BUD13: variants seen among roughly 807,000 people sequenced by gnomAD.
The protein encoded by BUD13 is BUD13 homolog.
Under a neutral mutation model 62.5 loss-of-function variants are expected in BUD13, and 47 were observed. The observed-to-expected ratio is 0.75, with a 90% CI of 0.60 to 0.96. BUD13 has a LOEUF of 0.96. Among genes scored for constraint, BUD13 ranks in the 40% least tolerant of loss-of-function variants. BUD13 has a pLI of 0.00. For missense variants in BUD13, 821 were observed against 790.9 expected (o/e 1.04, Z -0.46); for synonymous variants, 293 against 280.1 (o/e 1.05, Z -0.46).
At chr11:116,771,300 CTA>C (rs2134187147) in intron 1 of BUD13, among the ~76,000 whole-genome samples, 1 of 152,336 alleles carries the variant, frequency 6.6e-6, no homozygotes, top group African/African-American at 2.4e-5. Context: ...TCCCATTAAT[CTA>C]TAAGCTCCAC....
intron 6 of BUD13, 62 bp downstream of exon 6, chr11:116,759,012 C>G: frequency 8.7e-7 from 1 of 1,151,850 alleles, no homozygotes; most frequent in South Asian, 1.4e-5. Context: ...GTACAATAAG[C>G]TAAATTAAAA....
intron 6 of BUD13, 121 bp from the exon 7 acceptor site, chr11:116,758,528 G>T: frequency 1.0e-6 from 1 of 989,552 alleles, no homozygotes; most frequent in Non-Finnish European, 1.4e-6. Context: ...GACCAAAGTA[G>T]TTCCTACCAA....
intron 9 of BUD13, among the ~76,000 whole-genome samples, chr11:116,752,236 G>A (rs548608625): frequency 8.5e-5 from 13 of 152,208 alleles, no homozygotes; most frequent in Admixed American, 2.0e-4. Flanking sequence ...ATGAGCCACC[G>A]CACCCGGCCC....
At chr11:116,758,464 G>C (rs1443785768) in intron 6 of BUD13, 57 bp from the exon 7 acceptor site, 73 of 1,586,786 alleles carry the variant, frequency 4.6e-5, no homozygotes, top group East Asian at 2.5e-4. Context: ...AACATTCTAA[G>C]AGATCAAATC....
At position 116,757,751 on chromosome 11, in the gene BUD13, T is replaced by G; in HGVS notation, c.1684+15A>C. On this transcript the variant is annotated intron_variant, in intron 8 of 9. Transcript: ENST00000260210. ...TCACAAGTCACCTCCAGCTGATGAT[T>G]CCCAGAAGTCCCACCTTTTTTATTC... 6.2e-7 allele frequency: 1 copy of G among 1,602,108 alleles called. No individual in the cohort carries two copies. Among genetic ancestry groups the G allele is most frequent in the Non-Finnish European group, 8.5e-7 (1 of 1,175,876 alleles).
intron 9 of BUD13, among the ~76,000 whole-genome samples, chr11:116,749,393 G>T (rs1178314889): frequency 1.3e-5 from 2 of 152,212 alleles, no homozygotes; most frequent in Non-Finnish European, 2.9e-5. Flanking sequence ...AACAGAATGG[G>T]TATCTTAATC....
chr11:116,749,686 C>T (rs1940200085), intron 9 of BUD13, among the ~76,000 whole-genome samples: 2 of 152,256 alleles, frequency 1.3e-5, no homozygotes, highest in South Asian at 2.1e-4. Flanking sequence ...TAATGAGCTG[C>T]GTAGGCCATG....
chr11:116,772,947 C>A lies in BUD13; in HGVS notation c.18G>T (p.Pro6=). 1 of 1,568,078 alleles carries A rather than the reference C, an allele frequency of 6.4e-7. No homozygotes were observed. MAAAP[P]LSKAEYLKRY... ...GCTTCAGATACTCGGCCTTGGAAAG[C>A]GGCGGAGCTGCCGCCATGGCAGCGG... The change falls in exon 1 of 10, where the codon CCG becomes CCT. Residue 6 remains proline, a synonymous_variant. Coordinates refer to ENST00000260210, the MANE Select transcript of BUD13 (RefSeq NM_032725.4).
chr11:116,755,998 A>G (rs1035905963), intron 9 of BUD13, among the ~76,000 whole-genome samples: 1 of 152,136 alleles, frequency 6.6e-6, no homozygotes, highest in African/African-American at 2.4e-5. Context: ...ATATGAGCCC[A>G]AGAATTCAAG....
rs35269431 is a variant in BUD13, at chr11:116,757,461, A to AT, written c.1685-235dup. ...CAGGCGTGCACCACCATGACCGGCT[A>AT]TTTTTTTTTTTTTTTTGTATTTTTA... On this transcript the variant is annotated intron_variant, in intron 8 of 9. Transcript: ENST00000260210. Among the ~76,000 whole-genome samples, 807 of 138,876 alleles carry AT rather than the reference A, an allele frequency of 5.8e-3. 6 individuals are homozygous for AT. The highest frequency in any genetic ancestry group is 0.021 in the East Asian group (97 of 4,728). 91.1% of individuals were successfully genotyped at this position (138,876 alleles called of 152,430 possible).
chr11:116,754,706 A>G (rs1038923827), intron 9 of BUD13, among the ~76,000 whole-genome samples: 2 of 152,294 alleles, frequency 1.3e-5, no homozygotes, highest in Middle Eastern at 3.4e-3. Context: ...TGCTCTCACT[A>G]CTTCTATTCA....
At chr11:116,765,968 T>C (rs929293368) in intron 2 of BUD13, among the ~76,000 whole-genome samples, 1 of 152,234 alleles carries the variant, frequency 6.6e-6, no homozygotes, top group Non-Finnish European at 1.5e-5. Context: ...ACATTTCATA[T>C]CTTCTAAACT....
Position 116,763,164 on chromosome 11 carries a change from T to C in BUD13, c.425A>G (p.Lys142Arg), listed in dbSNP as rs1031309430. Residue 142 changes from lysine (K) to arginine (R), a missense_variant, in exon 4 of 10, where the codon AAG (lysine) becomes AGG (arginine). Physicochemically the swap from Lys to Arg is conservative, Grantham distance 26. Transcript: ENST00000260210. ...RHGTPDPSPR[K>R]DRHDTPDPSP... Reference sequence around the variant, plus strand: ...TGGATCCGGGGTGTCATGACGGTCCTTCCTAGGAGATGGATCTGGGGTACC... The same window carrying C: ...TGGATCCGGGGTGTCATGACGGTCCCTCCTAGGAGATGGATCTGGGGTACC... 6.2e-7 allele frequency: 1 copy of C among 1,603,206 alleles called. No homozygotes were observed.
chr11:116,767,015 C>A (rs1394402077), intron 2 of BUD13, among the ~76,000 whole-genome samples: 3 of 150,938 alleles, frequency 2.0e-5, no homozygotes, highest in Non-Finnish European at 4.4e-5. Flanking sequence ...CGGTGAAACC[C>A]CGTCTCTACC....
intron 9 of BUD13, among the ~76,000 whole-genome samples, chr11:116,752,263 A>G (rs1160172715): frequency 6.6e-6 from 1 of 152,126 alleles, no homozygotes; most frequent in Non-Finnish European, 1.5e-5. Flanking sequence ...TCTTTCAATT[A>G]AGAGAGGCTG....
In BUD13 at chr11:116,762,735, G is replaced by C. The variant is rs1268905868; in HGVS notation, c.854C>G (p.Thr285Ser). ...APNVTYSLPR[T>S]KSGKAPERAS... ...TCTTTCTGGGGCTTTACCACTTTTG[G>C]TTCTGGGCAGGGAATAAGTGACATT... The change falls in exon 4 of 10, where the codon ACC becomes AGC. Residue 285 changes from threonine (T) to serine (S), a missense_variant. Physicochemically the swap from Thr to Ser is moderately conservative, Grantham distance 58 (BLOSUM62 1). Around this residue, in one of 2 missense-constraint regions of BUD13, gnomAD observed 800 missense variants for 739.2 expected, o/e 1.08. Transcript: ENST00000260210. 2.5e-6 allele frequency: 4 copies of C among 1,614,044 alleles called. No homozygotes were observed. In the South Asian group the frequency reaches 4.4e-5, roughly 18 times the overall value.
chr11:116,763,568 A>ATGTG (rs1940478000), intron 3 of BUD13, among the ~76,000 whole-genome samples: 2 of 152,170 alleles, frequency 1.3e-5, no homozygotes, highest in South Asian at 4.1e-4. Context: ...CAGAGGCCAC[A>ATGTG]GCCTCTGTTT....
At chr11:116,764,519 T>C (rs1485874188) in intron 3 of BUD13, among the ~76,000 whole-genome samples, 1 of 152,166 alleles carries the variant, frequency 6.6e-6, no homozygotes, top group Non-Finnish European at 1.5e-5. Flanking sequence ...TGACTGTGTG[T>C]GTGTGTGACT....
In BUD13 at chr11:116,762,837, G is replaced by T. The variant is rs754694427; in HGVS notation, c.752C>A (p.Thr251Lys). 2.5e-6 allele frequency: 4 copies of T among 1,613,974 alleles called. No individual in the cohort carries two copies. The highest frequency in any genetic ancestry group is 3.4e-6 in the Non-Finnish European group (4 of 1,180,010). ...PRRVHNNSPD[T>K]SRRTLGSSDT... is the part of the protein sequence containing the mutation. ...TGAAGAGCCAAGAGTCCTCCTAGATGTGTCAGGGGAGTTGTTATGGACCCT... is the reference window on the plus strand; with the variant it reads ...TGAAGAGCCAAGAGTCCTCCTAGATTTGTCAGGGGAGTTGTTATGGACCCT... The change falls in exon 4 of 10, where the codon ACA becomes AAA. Residue 251 changes from threonine (T) to lysine (K), a missense_variant. Coordinates refer to ENST00000260210, the MANE Select transcript of BUD13 (RefSeq NM_032725.4).
Sources: gnomAD v4.1 joint callset for allele counts (sites outside exome capture counted in the v4.1 genomes callset) on GRCh38, gnomAD v4.1.1 for gene constraint, gnomAD v4.1.1 regional missense constraint, MANE v1.5 for transcripts, NCBI Gene and HGNC (gene_info 2026-07-23, HGNC 2026-07-21) for gene names.